KCNJ15: variants seen among roughly 807,000 people sequenced by gnomAD.
KCNJ15 encodes the protein ATP-sensitive inward rectifier potassium channel 15.
In KCNJ15, 14 loss-of-function variants were observed where a neutral mutation model predicts 23.0. The observed-to-expected ratio is 0.61, with a 90% CI of 0.40 to 0.95. The LOEUF (loss-of-function observed/expected upper bound fraction) is 0.95. Ranked by LOEUF, KCNJ15 falls within the 40% of genes least tolerant of loss-of-function variation. KCNJ15 has a pLI of 0.00. For missense variants in KCNJ15, 388 were observed against 461.8 expected (o/e 0.84, Z 1.46); for synonymous variants, 185 against 183.2 (o/e 1.01, Z -0.08).
intron 1 of KCNJ15, among the ~76,000 whole-genome samples, chr21:38,236,300 A>T (rs1251621470): frequency 6.6e-6 from 1 of 152,238 alleles, no homozygotes; most frequent in African/African-American, 2.4e-5. Flanking sequence ...TATAAACATA[A>T]CAAAAGCTTT....
Position 38,248,957 on chromosome 21 carries a change from G to A in KCNJ15, c.-398-8089G>A, listed in dbSNP as rs184766630. 1.7e-3 allele frequency among the ~76,000 whole-genome samples: 263 copies of A among 152,216 alleles called. 1 individual carries two copies. The highest frequency in any genetic ancestry group is 5.9e-3 in the African/African-American group (243 of 41,516). The stretch of plus-strand genomic sequence containing the variant: ...AAACTGTTTTTCTCAGTTCACTAGT[G>A]CAAAACCATCTCAGATAAGTCAATC... On this transcript the variant is annotated intron_variant, in intron 1 of 4. Coordinates refer to the KCNJ15 transcript ENST00000547341.
intron 1 of KCNJ15, among the ~76,000 whole-genome samples, chr21:38,279,761 A>G (rs1353613655): frequency 6.6e-6 from 1 of 152,158 alleles, no homozygotes; most frequent in Admixed American, 6.5e-5. Context: ...AAGCCATTCT[A>G]TTTAGACAAA....
At chr21:38,268,253 ACAATGC>A (rs1457709011) in intron 1 of KCNJ15, among the ~76,000 whole-genome samples, 1 of 152,200 alleles carries the variant, frequency 6.6e-6, no homozygotes, top group Non-Finnish European at 1.5e-5. Context: ...GAACAAGGAA[ACAATGC>A]CAGTTTTCTT....
At chr21:38,267,566 A>C (rs1055230285) in intron 1 of KCNJ15, among the ~76,000 whole-genome samples, 4 of 152,336 alleles carry the variant, frequency 2.6e-5, no homozygotes, top group Non-Finnish European at 4.4e-5. Flanking sequence ...GGTAACCAAC[A>C]GTAGGAACTT....
At chr21:38,244,755 C>G (rs1979248940) in intron 1 of KCNJ15, among the ~76,000 whole-genome samples, 1 of 152,070 alleles carries the variant, frequency 6.6e-6, no homozygotes, top group Admixed American at 6.5e-5. Context: ...ATCTTTTCAC[C>G]CCTGGAAAAC....
chr21:38,280,919 A>G (rs1406718859), intron 1 of KCNJ15, among the ~76,000 whole-genome samples: 1 of 152,122 alleles, frequency 6.6e-6, no homozygotes, highest in African/African-American at 2.4e-5. Flanking sequence ...CATCCATGGA[A>G]GAAATGAGAA....
At chr21:38,292,892 C>T (rs1265251654) in intron 1 of KCNJ15, among the ~76,000 whole-genome samples, 1 of 151,382 alleles carries the variant, frequency 6.6e-6, no homozygotes, top group African/African-American at 2.4e-5. Flanking sequence ...TCGCTTGAAC[C>T]CAGGAGGCAG....
chr21:38,269,381 A>G (rs1444664783), intron 1 of KCNJ15, among the ~76,000 whole-genome samples: 2 of 152,220 alleles, frequency 1.3e-5, no homozygotes, highest in Non-Finnish European at 2.9e-5. Flanking sequence ...AAGAGTTGCA[A>G]TGTGAAAAAA....
At position 38,304,662 on chromosome 21, in the gene KCNJ15, C is replaced by CTTTTTTTTTTTTTTTTTTTTTTT. The variant is rs543096995; in HGVS notation, c.*4282_*4304dup. 4 of 56,026 alleles carry CTTTTTTTTTTTTTTTTTTTTTTT rather than the reference C, an allele frequency of 7.1e-5. 1 individual carries two copies. The highest frequency in any genetic ancestry group is 1.4e-4 in the Non-Finnish European group (4 of 28,118). 3.5% of individuals were successfully genotyped at this position (56,026 alleles called of 1,614,324 possible). A position where few individuals can be genotyped will look rare whatever the true frequency, so the allele number is the denominator to read the frequency against. On this transcript the variant is annotated 3_prime_UTR_variant, in exon 3 of 3. Transcript: ENST00000398938. ...TTACCCTTTGTAAACTTCAATTTATCTTTTTTTTTTTTTTTTTTTTTTTTT... is the reference window on the plus strand; with the variant it reads ...TTACCCTTTGTAAACTTCAATTTATCTTTTTTTTTTTTTTTTTTTTTTTTTTTTTTTTTTTTTTTTTTTTTTTT...
intron 1 of KCNJ15, among the ~76,000 whole-genome samples, chr21:38,242,123 C>G (rs1402014178): frequency 6.6e-6 from 1 of 152,138 alleles, no homozygotes; most frequent in Non-Finnish European, 1.5e-5. Flanking sequence ...GGCCACACTT[C>G]TGGGCTCTAG....
At chr21:38,246,017 A>G (rs1474752875) in intron 1 of KCNJ15, among the ~76,000 whole-genome samples, 1 of 152,244 alleles carries the variant, frequency 6.6e-6, no homozygotes, top group Admixed American at 6.5e-5. Flanking sequence ...ACTTAGTTTT[A>G]TCATTTATAA....
In KCNJ15 at chr21:38,300,038, TG is replaced by T; in HGVS notation, c.778del (p.Glu260ArgfsTer5). 6.2e-7 allele frequency: 1 copy of T among 1,614,084 alleles called. No individual in the cohort carries two copies. Among genetic ancestry groups the T allele is most frequent in the East Asian group, 2.2e-5 (1 of 44,862 alleles). On this transcript the variant is annotated frameshift_variant, in exon 3 of 3. Transcript: ENST00000398938. LOFTEE classifies it high-confidence loss of function. ...LPMTFYHVLDETSPLRDLTPQ... is the reference protein window; with the variant it reads ...LPMTFYHVLDXTSPLRDLTPQ... ...CCATGACATTCTACCATGTGCTGGA[TG>T]AGACGAGCCCCCTGAGAGACCTCAC...
In KCNJ15 at chr21:38,299,127, A is replaced by T. The variant is rs897032991; in HGVS notation, c.-18-117A>T. ...ATAGATCAGTTAATCTTGCCTTCAG[A>T]ATTCTCCTTTCTTGTGTACTTCCAT... On this transcript the variant is annotated intron_variant, in intron 2 of 2. Transcript: ENST00000398938. The surrounding 1 kb of genome is among the most constrained non-coding windows in gnomAD (Gnocchi z 4.5). The T allele has an allele frequency of 3.7e-6, 3 of 816,380 alleles. No homozygotes were observed. Among genetic ancestry groups the T allele is most frequent in the African/African-American group, 3.4e-5 (2 of 58,110 alleles). 50.6% of individuals were successfully genotyped at this position (816,380 alleles called of 1,614,324 possible).
At chr21:38,230,798 G>T (rs1288347975) in intron 1 of KCNJ15, among the ~76,000 whole-genome samples, 3 of 151,996 alleles carry the variant, frequency 2.0e-5, no homozygotes, top group African/African-American at 7.2e-5. Flanking sequence ...TTATCCTTAT[G>T]TCAATACCAT....
chr21:38,262,918 TCCTC>T (rs1981067482), intron 1 of KCNJ15, among the ~76,000 whole-genome samples: 1 of 152,134 alleles, frequency 6.6e-6, no homozygotes, highest in African/African-American at 2.4e-5. Flanking sequence ...CCTCAGGTGA[TCCTC>T]CCACCTCAAC....
At chr21:38,254,162 G>A (rs1430162263), upstream of KCNJ15, among the ~76,000 whole-genome samples, 1 of 152,166 alleles carries the variant, frequency 6.6e-6, no homozygotes, top group African/African-American at 2.4e-5. Flanking sequence ...GAAATTTCCA[G>A]AAATACTTAG....
chr21:38,281,423 C>G (rs115350689), intron 1 of KCNJ15, among the ~76,000 whole-genome samples: 1 of 152,142 alleles, frequency 6.6e-6, no homozygotes, highest in Non-Finnish European at 1.5e-5. Flanking sequence ...TAAAACCACC[C>G]CACAGCCCTC....
At chr21:38,293,466 G>A (rs1035705512) in intron 1 of KCNJ15, among the ~76,000 whole-genome samples, 14 of 152,300 alleles carry the variant, frequency 9.2e-5, no homozygotes, top group African/African-American at 2.2e-4. Flanking sequence ...GGACCCAGCC[G>A]AGAGGCACAG....
chr21:38,248,994 G>A (rs1979645553), intron 1 of KCNJ15, among the ~76,000 whole-genome samples: 1 of 152,152 alleles, frequency 6.6e-6, no homozygotes, highest in African/African-American at 2.4e-5. Context: ...GCTTGCCTCA[G>A]ATCATTGAGT....
Sources: gnomAD v4.1 joint callset for allele counts (sites outside exome capture counted in the v4.1 genomes callset) on GRCh38, gnomAD v4.1.1 for gene constraint, Gnocchi (gnomAD v3.1) non-coding constraint, MANE v1.5 for transcripts, NCBI Gene and HGNC (gene_info 2026-07-23, HGNC 2026-07-21) for gene names.